The following PDE4D variants were observed in gnomAD, a reference collection of about 807,000 sequenced individuals.
The protein encoded by PDE4D is 3',5'-cyclic-AMP phosphodiesterase 4D.
In PDE4D, 24 loss-of-function variants were observed where a neutral mutation model predicts 87.4. The observed-to-expected ratio is 0.27, with a 90% CI of 0.20 to 0.39. The LOEUF (loss-of-function observed/expected upper bound fraction) is 0.39. PDE4D is among the 10% of genes least tolerant of loss of function. The probability of loss-of-function intolerance (pLI) is 1.00; values close to 1 mark genes in which losing one functional copy is unlikely to be tolerated. For synonymous variants in PDE4D, 384 were observed against 383.2 expected (o/e 1.00, Z -0.02); for missense variants, 714 against 1,041.0 (o/e 0.69, Z 4.32).
At chr5:60,037,094 T>A (rs1767893825) in intron 2 of PDE4D, among the ~76,000 whole-genome samples, 2 of 152,286 alleles carry the variant, frequency 1.3e-5, no homozygotes, top group Non-Finnish European at 1.5e-5. Context: ...AGGAATAGGA[T>A]ACGCATATGG....
chr5:59,189,592 G>C (rs1743846054), intron 3 of PDE4D, among the ~76,000 whole-genome samples: 1 of 152,072 alleles, frequency 6.6e-6, no homozygotes, highest in Non-Finnish European at 1.5e-5. Context: ...GCTGACAGCA[G>C]AGAAGAGTTT....
At chr5:60,158,414 T>C (rs553682190) in intron 2 of PDE4D, among the ~76,000 whole-genome samples, 62 of 152,150 alleles carry the variant, frequency 4.1e-4, no homozygotes, top group Non-Finnish European at 8.1e-4. Flanking sequence ...AATATACCTG[T>C]AGAAAACACC....
intron 1 of PDE4D, among the ~76,000 whole-genome samples, chr5:60,428,300 A>C (rs1161351940): frequency 6.6e-6 from 1 of 152,182 alleles, no homozygotes; most frequent in East Asian, 1.9e-4. Context: ...GGGTATAACT[A>C]AAAGCCAATA....
At chr5:59,348,161 T>C (rs1779905872) in intron 1 of PDE4D, among the ~76,000 whole-genome samples, 1 of 152,128 alleles carries the variant, frequency 6.6e-6, no homozygotes, top group Admixed American at 6.6e-5. Flanking sequence ...AAAAATTAAA[T>C]TACATAAAAA....
chr5:60,135,006 G>A (rs751916339), intron 2 of PDE4D, among the ~76,000 whole-genome samples: 13 of 152,144 alleles, frequency 8.5e-5, no homozygotes, highest in Non-Finnish European at 1.5e-4. Context: ...CCTCCCTGAC[G>A]AAACTCTTAA....
chr5:60,254,168 T>C lies in PDE4D; in HGVS notation c.-89-68481A>G, dbSNP rs999568702. On this transcript the variant is annotated intron_variant, in intron 1 of 16. Coordinates refer to the PDE4D transcript ENST00000502484. ...AGGCATTGCTATGTGGGAGACTACT[T>C]ATGATCCCTTTGTTCTTGGGCTGTA... Among the ~76,000 whole-genome samples the C allele has an allele frequency of 3.3e-5, 5 of 151,892 alleles. No homozygotes were observed. The East Asian group carries it at 7.7e-4, about 23-fold the overall frequency.
chr5:60,412,419 G>A (rs72755119), intron 1 of PDE4D, among the ~76,000 whole-genome samples: 130 of 152,214 alleles, frequency 8.5e-4, no homozygotes, highest in Non-Finnish European at 1.7e-3. Flanking sequence ...GGAGGTATTT[G>A]GGCAGTCTCA....
chr5:59,183,493 T>C (rs1742161536), intron 4 of PDE4D, among the ~76,000 whole-genome samples: 1 of 152,184 alleles, frequency 6.6e-6, no homozygotes, highest in African/African-American at 2.4e-5. Flanking sequence ...GGTACCCAGG[T>C]GACCACATGT....
chr5:59,497,408 C>T (rs1055354969), intron 1 of PDE4D, among the ~76,000 whole-genome samples: 1 of 151,670 alleles, frequency 6.6e-6, no homozygotes, highest in Non-Finnish European at 1.5e-5. Flanking sequence ...TCAATGAGAT[C>T]CAAGAGAAAG....
chr5:59,190,114 T>A (rs1743986774), intron 3 of PDE4D, among the ~76,000 whole-genome samples: 1 of 152,204 alleles, frequency 6.6e-6, no homozygotes, highest in African/African-American at 2.4e-5. Context: ...GATTCGTGTT[T>A]TGGAGATGGA....
At chr5:59,299,308 A>G (rs1318319613) in intron 1 of PDE4D, among the ~76,000 whole-genome samples, 9 of 152,146 alleles carry the variant, frequency 5.9e-5, no homozygotes, top group Admixed American at 3.9e-4. Context: ...CACAGTTGGG[A>G]TAACTCTGGG....
At chr5:59,762,357 T>G (rs1307503607) in intron 1 of PDE4D, among the ~76,000 whole-genome samples, 4 of 94,602 alleles carry the variant, frequency 4.2e-5, no homozygotes, top group South Asian at 3.0e-4. Flanking sequence ...TGCATATATG[T>G]GTATATGGGT....
intron 1 of PDE4D, among the ~76,000 whole-genome samples, chr5:59,551,785 T>C (rs1013373029): frequency 6.6e-6 from 1 of 152,170 alleles, no homozygotes. Flanking sequence ...GTGGAATGAA[T>C]ATTGTGGATT....
intron 6 of PDE4D, among the ~76,000 whole-genome samples, chr5:59,010,055 G>A (rs1167604181): frequency 6.6e-6 from 1 of 152,332 alleles, no homozygotes; most frequent in East Asian, 1.9e-4. Flanking sequence ...GCAGGGCGCT[G>A]TGGCTCATGC....
chr5:60,075,733 C>G (rs1301727847), intron 2 of PDE4D, among the ~76,000 whole-genome samples: 6 of 151,964 alleles, frequency 3.9e-5, no homozygotes. Context: ...TTATTCTTGT[C>G]TGACTATTTT....
chr5:60,425,543 T>G lies in PDE4D; in HGVS notation c.-90+62399A>C, dbSNP rs186076726. On this transcript the variant is annotated intron_variant, in intron 1 of 16. Transcript: ENST00000502484. ...ATACAAAAATTAATTCAAGATGGAT[T>G]AAAGACTTAAATGTTAGACATAAAA... Among the ~76,000 whole-genome samples, 100 of 151,402 alleles carry G rather than the reference T, an allele frequency of 6.6e-4. 1 individual carries two copies. The East Asian group carries it at 0.018, about 28-fold the overall frequency.
chr5:59,289,181 A>G (rs1000933425), intron 1 of PDE4D, among the ~76,000 whole-genome samples: 1 of 149,996 alleles, frequency 6.7e-6, no homozygotes, highest in Non-Finnish European at 1.5e-5. Context: ...AAGACAACAG[A>G]AAGTTTTAAA....
chr5:59,294,532 CAAGGTAT>C (rs1768680289), intron 1 of PDE4D, among the ~76,000 whole-genome samples: 3 of 152,098 alleles, frequency 2.0e-5, no homozygotes, highest in Admixed American at 2.0e-4. Context: ...GGCAGACCGC[CAAGGTAT>C]AAGTCCCAAC....
intron 1 of PDE4D, among the ~76,000 whole-genome samples, chr5:59,731,265 G>A (rs1048808079): frequency 6.6e-6 from 1 of 152,046 alleles, no homozygotes; most frequent in African/African-American, 2.4e-5. Flanking sequence ...CCCTGATACA[G>A]ACACCATCCC....
Sources: allele counts gnomAD v4.1 joint callset (sites outside exome capture counted in the v4.1 genomes callset), GRCh38; gene constraint gnomAD v4.1.1; transcripts MANE v1.5; gene names NCBI Gene and HGNC (gene_info 2026-07-23, HGNC 2026-07-21).